NACC2: variants seen among roughly 807,000 people sequenced by gnomAD.
The protein encoded by NACC2 is NACC family member 2.
NACC2 carries 8 observed loss-of-function variants against 25.1 expected under a neutral mutation model. The observed-to-expected ratio is 0.32, with a 90% CI of 0.19 to 0.57. The LOEUF (loss-of-function observed/expected upper bound fraction) is 0.57. NACC2 is among the 20% of genes least tolerant of loss of function. The pLI, the probability that NACC2 is intolerant of heterozygous loss-of-function variation, is 0.89. For missense variants in NACC2, 644 were observed against 650.2 expected (o/e 0.99, Z 0.10); for synonymous variants, 435 against 294.7 (o/e 1.48, Z -4.88).
At chr9:136,046,417 A>T (rs986992869) in intron 2 of NACC2, among the ~76,000 whole-genome samples, 65,955 of 152,062 alleles carry the variant, frequency 0.43, 14,747 homozygotes, top group Non-Finnish European at 0.49. Context: ...GGGTCTCCCG[A>T]GGCTGCCGGC....
chr9:136,093,038 G>T (rs981108195), intron 1 of NACC2, among the ~76,000 whole-genome samples: 4 of 152,154 alleles, frequency 2.6e-5, no homozygotes, highest in African/African-American at 9.7e-5. Flanking sequence ...CTGGGCACTC[G>T]GTGCCCTGTG....
At chr9:136,014,769 A>G (rs1588556215) in intron 3 of NACC2, among the ~76,000 whole-genome samples, 1 of 152,234 alleles carries the variant, frequency 6.6e-6, no homozygotes, top group East Asian at 1.9e-4. Flanking sequence ...TCCTCTGGGT[A>G]TGTGTGAAGA....
At chr9:136,083,551 G>A (rs1564243564) in intron 1 of NACC2, among the ~76,000 whole-genome samples, 3 of 152,376 alleles carry the variant, frequency 2.0e-5, no homozygotes, top group East Asian at 3.9e-4. Context: ...GGCAGGTCCA[G>A]AGGTGTCTTC....
At chr9:136,064,784 G>A (rs4842096) in intron 1 of NACC2, among the ~76,000 whole-genome samples, 42,760 of 152,028 alleles carry the variant, frequency 0.28, 6,907 homozygotes, top group Non-Finnish European at 0.36. Context: ...AAAGAGGAGC[G>A]AAGTTAGAGC....
At chr9:136,025,689 C>T (rs963909862) in intron 2 of NACC2, among the ~76,000 whole-genome samples, 3 of 151,122 alleles carry the variant, frequency 2.0e-5, no homozygotes, top group Admixed American at 6.6e-5. Context: ...TGAGGTGGGC[C>T]AGTCACTTGA....
chr9:136,044,068 G>A (rs1468634374), intron 2 of NACC2, among the ~76,000 whole-genome samples: 1 of 152,108 alleles, frequency 6.6e-6, no homozygotes, highest in Non-Finnish European at 1.5e-5. Flanking sequence ...TAAGAGATCT[G>A]CCCACCTCAG....
chr9:136,028,106 C>T (rs1240760614), intron 2 of NACC2, among the ~76,000 whole-genome samples: 3 of 150,714 alleles, frequency 2.0e-5, no homozygotes, highest in Non-Finnish European at 4.4e-5. Context: ...ACTAAAAATA[C>T]AAAAATTAAC....
At chr9:136,059,443 A>ATTTCT (rs1303708976) in intron 1 of NACC2, among the ~76,000 whole-genome samples, 1 of 152,200 alleles carries the variant, frequency 6.6e-6, no homozygotes, top group Non-Finnish European at 1.5e-5. Flanking sequence ...CTCCTGAGAA[A>ATTTCT]GTGGACAGCG....
intron 5 of NACC2, 80 bp from the exon 6 acceptor site, chr9:136,012,104 G>T (rs1223537004): frequency 2.1e-6 from 3 of 1,430,960 alleles, no homozygotes; most frequent in Middle Eastern, 1.8e-4. Flanking sequence ...GAACCATGAT[G>T]CCCTGGATGA....
chr9:136,016,391 A>C lies in NACC2; in HGVS notation c.925T>G (p.Ser309Ala). Reference sequence around the variant, plus strand: ...AGGTCGCGGCGGATGAGGACGCAGGAGCGGCTCTCCAGCGGCACTGGCTCA... The same window carrying C: ...AGGTCGCGGCGGATGAGGACGCAGGCGCGGCTCTCCAGCGGCACTGGCTCA... ...KPEPVPLESRSCVLIRRDLVA... is the reference protein window; with the variant it reads ...KPEPVPLESRACVLIRRDLVA... Residue 309 changes from serine to alanine, a missense_variant, in exon 3 of 6, where the codon TCC becomes GCC. Coordinates refer to ENST00000277554, the MANE Select transcript of NACC2 (RefSeq NM_144653.5). The C allele has an allele frequency of 6.2e-7, 1 of 1,611,350 alleles. No individual in the cohort carries two copies. Among genetic ancestry groups the C allele is most frequent in the Non-Finnish European group, 8.5e-7 (1 of 1,179,836 alleles).
intron 1 of NACC2, among the ~76,000 whole-genome samples, chr9:136,083,594 C>T (rs959270727): frequency 9.2e-5 from 14 of 152,360 alleles, no homozygotes; most frequent in East Asian, 1.9e-4. Flanking sequence ...CTGTGAAGAG[C>T]GCCGTGCAGA....
At chr9:136,058,180 C>T (rs1356109785) in intron 1 of NACC2, among the ~76,000 whole-genome samples, 3 of 152,350 alleles carry the variant, frequency 2.0e-5, no homozygotes, top group Admixed American at 6.5e-5. Flanking sequence ...GCACCACCTC[C>T]GCCTGGAGTT....
At chr9:136,081,240 C>T (rs975570510) in intron 1 of NACC2, among the ~76,000 whole-genome samples, 5 of 152,312 alleles carry the variant, frequency 3.3e-5, no homozygotes, top group South Asian at 2.1e-4. Flanking sequence ...TCAGTCCCGA[C>T]GGGCACTGGG....
Position 136,011,877 on chromosome 9 carries a change from G to A in NACC2, c.1403C>T (p.Thr468Met), listed in dbSNP as rs770237318. Residue 468 changes from threonine (T) to methionine (M), a missense_variant, in exon 6 of 6, where the codon ACG (threonine) becomes ATG (methionine). Thr to Met is a moderately conservative substitution (Grantham distance 81, BLOSUM62 -1). Coordinates refer to ENST00000277554, the MANE Select transcript of NACC2 (RefSeq NM_144653.5). ...GCTGGCGGCGGCGGAGCCCATGACC[G>A]TGCGGTACATCTCCACGCCCTCCGG... ...MLPEGVEMYR[T>M]VMGSAAASVP... The A allele has an allele frequency of 2.3e-5, 36 of 1,569,618 alleles. No homozygotes were observed. The highest frequency in any genetic ancestry group is 2.7e-5 in the African/African-American group (2 of 73,916).
At chr9:136,070,710 G>A (rs1378676890) in intron 1 of NACC2, among the ~76,000 whole-genome samples, 2 of 147,082 alleles carry the variant, frequency 1.4e-5, no homozygotes, top group Non-Finnish European at 1.5e-5. Flanking sequence ...GCAAGCAGAA[G>A]AAAAGAAATG....
At position 136,074,467 on chromosome 9, in the gene NACC2, A is replaced by T. The variant is rs574787724; in HGVS notation, c.-60+20722T>A. On this transcript the variant is annotated intron_variant, in intron 1 of 5. Coordinates refer to ENST00000277554, the MANE Select transcript of NACC2 (RefSeq NM_144653.5). Reference sequence around the variant, plus strand: ...GACTCCGTCTCAAAAAAAAAAAGAAAAAAGAAGAAAAAGAAAACAAAGTTC... The same window carrying T: ...GACTCCGTCTCAAAAAAAAAAAGAATAAAGAAGAAAAAGAAAACAAAGTTC... 2.1e-5 allele frequency among the ~76,000 whole-genome samples: 3 copies of T among 144,866 alleles called. No homozygotes were observed. The South Asian group carries it at 6.9e-4, about 33-fold the overall frequency.
chr9:136,087,920 G>T (rs1830395342), intron 1 of NACC2, among the ~76,000 whole-genome samples: 1 of 152,172 alleles, frequency 6.6e-6, no homozygotes, highest in Non-Finnish European at 1.5e-5. Flanking sequence ...GCCCAGGAAG[G>T]CCCAGTTTCC....
At chr9:136,030,604 C>T (rs934104926) in intron 2 of NACC2, among the ~76,000 whole-genome samples, 14 of 146,460 alleles carry the variant, frequency 9.6e-5, no homozygotes, top group East Asian at 7.9e-4. Flanking sequence ...AGCAAGACTC[C>T]GTCTCAAAAA....
At position 136,022,442 on chromosome 9, in the gene NACC2, C is replaced by T. The variant is rs1308473851; in HGVS notation, c.887-6013G>A. On this transcript the variant is annotated intron_variant, in intron 2 of 5. Transcript: ENST00000277554. The surrounding 1 kb of genome is among the most constrained non-coding windows in gnomAD (Gnocchi z 4.4). The stretch of plus-strand genomic sequence containing the variant: ...TCCCCGCCCAGGTGCCTCCTGATGG[C>T]CAGAGCCCAGGGCCGGCTGTGGGGC... Among the ~76,000 whole-genome samples the T allele has an allele frequency of 6.6e-6, 1 of 152,232 alleles. No individual in the cohort carries two copies. Among genetic ancestry groups the T allele is most frequent in the African/African-American group, 2.4e-5 (1 of 41,462 alleles).
Sources: allele counts gnomAD v4.1 joint callset (sites outside exome capture counted in the v4.1 genomes callset), GRCh38; gene constraint gnomAD v4.1.1; non-coding constraint Gnocchi (gnomAD v3.1); transcripts MANE v1.5; gene names NCBI Gene and HGNC (gene_info 2026-07-23, HGNC 2026-07-21).